Variants in EPHA4 observed in about 807,000 individuals in gnomAD.
EPHA4 encodes the protein ephrin type-A receptor 4.
In EPHA4, 19 loss-of-function variants were observed where a neutral mutation model predicts 108.3. The observed-to-expected ratio is 0.18, with a 90% confidence interval of 0.12 to 0.26. The LOEUF is 0.26. Ranked by LOEUF, EPHA4 falls within the 10% of genes least tolerant of loss-of-function variation. The pLI, the probability that EPHA4 is intolerant of heterozygous loss-of-function variation, is 1.00. For synonymous variants in EPHA4, 449 were observed against 455.5 expected, an observed-to-expected ratio of 0.99 and a Z score of 0.18; for missense variants, 917 against 1,254.0, an observed-to-expected ratio of 0.73 and a Z score of 4.06.
At chr2:221,499,748 ATATATATATTTTTT>A (rs1307923059) in intron 4 of EPHA4, among the ~76,000 whole-genome samples, 6 of 44,982 alleles carry the variant, frequency 1.3e-4, no homozygotes, top group African/African-American at 7.2e-4. Context: ...ATATATATAT[ATATATATATTTTTT>A]TTTTTTTTTT....
chr2:221,533,588 T>A lies in EPHA4; in HGVS notation c.823+30143A>T, dbSNP rs188615383. Among the ~76,000 whole-genome samples the A allele has an allele frequency of 1.7e-3, 254 of 152,090 alleles. 1 individual carries two copies. Among genetic ancestry groups the A allele is most frequent in the African/African-American group, 5.5e-3 (229 of 41,484 alleles). On this transcript the variant is annotated intron_variant, in intron 3 of 17. Coordinates refer to ENST00000281821, the MANE Select transcript of EPHA4 (RefSeq NM_004438.5). ...TCAATACAGCTTCTAAACACACAGA[T>A]TACAGCACGCTGAACGAGTTCCAGT... is the stretch of plus-strand genomic sequence containing the variant.
intron 3 of EPHA4, among the ~76,000 whole-genome samples, chr2:221,556,800 A>C (rs1402829731): frequency 6.6e-6 from 1 of 152,166 alleles, no homozygotes; most frequent in Non-Finnish European, 1.5e-5. Context: ...ATTAAGATAT[A>C]TTGTTATAAT....
chr2:221,423,650 G>A (rs1249189680), intron 17 of EPHA4, among the ~76,000 whole-genome samples: 1 of 151,826 alleles, frequency 6.6e-6, no homozygotes, highest in African/African-American at 2.4e-5. Flanking sequence ...CACCAGCATA[G>A]TATATAATGT....
intron 8 of EPHA4, among the ~76,000 whole-genome samples, chr2:221,450,735 T>TTTTTAGGG (rs1179793198): frequency 6.6e-6 from 1 of 152,162 alleles, no homozygotes; most frequent in Non-Finnish European, 1.5e-5. Flanking sequence ...AAAGGGGTAC[T>TTTTTAGGG]TTATAACCCT....
chr2:221,460,334 T>C (rs1691099884), intron 5 of EPHA4, among the ~76,000 whole-genome samples: 1 of 152,216 alleles, frequency 6.6e-6, no homozygotes, highest in Non-Finnish European at 1.5e-5. Context: ...AGAAAACTGC[T>C]GAGTTGACAT....
At chr2:221,488,370 C>T (rs1692038443) in intron 4 of EPHA4, among the ~76,000 whole-genome samples, 1 of 152,160 alleles carries the variant, frequency 6.6e-6, no homozygotes, top group South Asian at 2.1e-4. Context: ...CAGGTGACAA[C>T]TCTGGCTGCT....
chr2:221,527,599 G>A (rs532404809), intron 3 of EPHA4, among the ~76,000 whole-genome samples: 31 of 152,280 alleles, frequency 2.0e-4, no homozygotes, highest in Non-Finnish European at 3.4e-4. Context: ...GGGTCTGCCC[G>A]ACACTGGGCA....
chr2:221,558,679 C>T (rs1483836825), intron 3 of EPHA4, among the ~76,000 whole-genome samples: 2 of 151,882 alleles, frequency 1.3e-5, no homozygotes, highest in South Asian at 2.1e-4. Flanking sequence ...GATTTCTATG[C>T]GATGTTTTGG....
intron 4 of EPHA4, among the ~76,000 whole-genome samples, chr2:221,483,687 G>A (rs1416724550): frequency 2.6e-5 from 4 of 151,950 alleles, no homozygotes; most frequent in African/African-American, 7.3e-5. Context: ...GCTATCTTTG[G>A]CGGAGTTTGG....
intron 11 of EPHA4, among the ~76,000 whole-genome samples, chr2:221,440,973 G>C (rs569666019): frequency 6.6e-6 from 1 of 152,076 alleles, no homozygotes; most frequent in African/African-American, 2.4e-5. Context: ...CAAACTTACG[G>C]GCCGCACACC....
At chr2:221,434,521 C>T (rs555691192) in intron 13 of EPHA4, among the ~76,000 whole-genome samples, 32 of 152,314 alleles carry the variant, frequency 2.1e-4, no homozygotes, top group South Asian at 1.9e-3. Flanking sequence ...GTTTTTAAAG[C>T]CTACCTATTA....
intron 2 of EPHA4, among the ~76,000 whole-genome samples, chr2:221,567,937 A>G (rs1694721402): frequency 6.6e-6 from 1 of 152,230 alleles, no homozygotes; most frequent in South Asian, 2.1e-4. Context: ...GAAGTCAGTT[A>G]CATGTTGTAC....
chr2:221,494,972 A>C (rs928126208), intron 4 of EPHA4, among the ~76,000 whole-genome samples: 1 of 151,584 alleles, frequency 6.6e-6, no homozygotes, highest in Non-Finnish European at 1.5e-5. Flanking sequence ...AATGTGCAGA[A>C]ATAATGGTGC....
At chr2:221,463,703 T>C (rs1691218942) in intron 5 of EPHA4, among the ~76,000 whole-genome samples, 1 of 152,218 alleles carries the variant, frequency 6.6e-6, no homozygotes, top group African/African-American at 2.4e-5. Flanking sequence ...AATTTTCTTT[T>C]ATTCACTTCC....
intron 3 of EPHA4, among the ~76,000 whole-genome samples, chr2:221,526,839 C>T (rs1322053345): frequency 1.1e-5 from 1 of 92,776 alleles, no homozygotes; most frequent in African/African-American, 4.2e-5. Context: ...GGCAATATAG[C>T]CAGACTCGGC....
chr2:221,456,492 T>C, intron 7 of EPHA4, 121 bp downstream of exon 7: 1 of 933,156 alleles, frequency 1.1e-6, no homozygotes, highest in Non-Finnish European at 1.6e-6. Context: ...ACATATTCAT[T>C]GCAGCAAAAT....
At chr2:221,510,222 T>C (rs1390376689) in intron 3 of EPHA4, among the ~76,000 whole-genome samples, 12 of 152,254 alleles carry the variant, frequency 7.9e-5, no homozygotes, top group Admixed American at 7.9e-4. Flanking sequence ...CTTCTGTTAT[T>C]AACATGGGGT....
chr2:221,509,705 T>C (rs1444784800), intron 3 of EPHA4, among the ~76,000 whole-genome samples: 1 of 152,184 alleles, frequency 6.6e-6, no homozygotes, highest in Non-Finnish European at 1.5e-5. Flanking sequence ...GACAGAGATG[T>C]TTCACAGACA....
chr2:221,421,154 A>G (rs1393562267), intron 17 of EPHA4, among the ~76,000 whole-genome samples: 3 of 151,992 alleles, frequency 2.0e-5, no homozygotes, highest in African/African-American at 2.4e-5. Flanking sequence ...AAAATTAGCC[A>G]GGCGTGGTGG....
Sources: gnomAD v4.1 joint callset for allele counts (sites outside exome capture counted in the v4.1 genomes callset) on GRCh38, gnomAD v4.1.1 for gene constraint, MANE v1.5 for transcripts, NCBI Gene and HGNC (gene_info 2026-07-23, HGNC 2026-07-21) for gene names.